Variants in MAN1A2 observed in about 807,000 individuals in gnomAD.
The protein encoded by MAN1A2 is mannosyl-oligosaccharide 1,2-alpha-mannosidase IB.
MAN1A2 carries 26 observed loss-of-function variants against 75.7 expected under a neutral mutation model. The observed-to-expected ratio is 0.34, with a 90% confidence interval of 0.25 to 0.48. The LOEUF (loss-of-function observed/expected upper bound fraction) is 0.48. Ranked by LOEUF, MAN1A2 falls within the 20% of genes least tolerant of loss-of-function variation. MAN1A2 has a pLI of 0.99. For synonymous variants in MAN1A2, 247 were observed against 264.6 expected (o/e 0.93, Z 0.65); for missense variants, 562 against 775.5 (o/e 0.72, Z 3.27).
At chr1:117,453,319 A>T (rs1341634038) in intron 6 of MAN1A2, among the ~76,000 whole-genome samples, 4 of 152,220 alleles carry the variant, frequency 2.6e-5, no homozygotes, top group African/African-American at 7.2e-5. Context: ...GATTCCTCTG[A>T]CAGATCTCAG....
intron 8 of MAN1A2, among the ~76,000 whole-genome samples, chr1:117,490,266 T>G (rs1027459068): frequency 6.6e-6 from 1 of 152,036 alleles, no homozygotes; most frequent in Non-Finnish European, 1.5e-5. Context: ...TCAGCATCAT[T>G]TTTTTGACAG....
rs559173347 is a variant in MAN1A2, at chr1:117,403,492, CAA to C, written c.558+1053_558+1054del. Among the ~76,000 whole-genome samples, 634 of 152,068 alleles carry C rather than the reference CAA, an allele frequency of 4.2e-3. 4 individuals are homozygous for C. Among genetic ancestry groups the C allele is most frequent in the African/African-American group, 0.015 (606 of 41,500 alleles). Reference sequence around the variant, plus strand: ...TTACAATGTACTGAAATACTTTTTTCAAATACGTAATAATTCAGATAGATAAC... The same window carrying C: ...TTACAATGTACTGAAATACTTTTTTCATACGTAATAATTCAGATAGATAAC... On this transcript the variant is annotated intron_variant, in intron 2 of 12. Transcript: ENST00000356554.
chr1:117,456,654 C>G (rs1649590759), intron 6 of MAN1A2, among the ~76,000 whole-genome samples: 1 of 151,970 alleles, frequency 6.6e-6, no homozygotes, highest in South Asian at 2.1e-4. Flanking sequence ...AGGATATTCT[C>G]AATTCTAAAT....
At chr1:117,438,265 T>TA (rs1010364250) in intron 5 of MAN1A2, among the ~76,000 whole-genome samples, 8 of 150,736 alleles carry the variant, frequency 5.3e-5, no homozygotes, top group South Asian at 2.1e-4. Context: ...GTTTAAAAAG[T>TA]AAAAAAAAAA....
At chr1:117,400,189 G>A (rs1461652074) in intron 1 of MAN1A2, among the ~76,000 whole-genome samples, 1 of 151,814 alleles carries the variant, frequency 6.6e-6, no homozygotes, top group Non-Finnish European at 1.5e-5. Flanking sequence ...CATCAATCCA[G>A]TCTGTCTGTA....
chr1:117,397,737 C>T (rs1185171600), intron 1 of MAN1A2, among the ~76,000 whole-genome samples: 1 of 149,046 alleles, frequency 6.7e-6, no homozygotes, highest in African/African-American at 2.5e-5. Flanking sequence ...GTGAAACCTC[C>T]GCCTCCCAGG....
intron 1 of MAN1A2, among the ~76,000 whole-genome samples, chr1:117,374,205 G>C (rs1653070015): frequency 6.6e-6 from 1 of 152,064 alleles, no homozygotes. Context: ...GCTGAGGTGG[G>C]AGGATCACTT....
chr1:117,499,027 T>C (rs1015820675), intron 10 of MAN1A2, among the ~76,000 whole-genome samples: 10 of 151,950 alleles, frequency 6.6e-5, no homozygotes, highest in Admixed American at 1.3e-4. Context: ...TGTCATTATC[T>C]ATATACTTTT....
intron 6 of MAN1A2, among the ~76,000 whole-genome samples, chr1:117,452,729 G>A (rs970931990): frequency 6.6e-6 from 1 of 152,220 alleles, no homozygotes; most frequent in African/African-American, 2.4e-5. Flanking sequence ...GGTGACAGGT[G>A]AAGCAGTAAG....
chr1:117,442,150 A>G (rs562928970), intron 5 of MAN1A2, 81 bp from the exon 6 acceptor site: 170 of 877,524 alleles, frequency 1.9e-4, no homozygotes, highest in Admixed American at 6.3e-4. Flanking sequence ...ACCTTGTGCT[A>G]TGTATACTAT....
intron 7 of MAN1A2, among the ~76,000 whole-genome samples, chr1:117,463,150 A>G (rs1649876035): frequency 6.6e-6 from 1 of 151,152 alleles, no homozygotes; most frequent in South Asian, 2.1e-4. Flanking sequence ...TTATATTAAT[A>G]AAAATATTAA....
chr1:117,503,728 C>G (rs920774480), intron 12 of MAN1A2, among the ~76,000 whole-genome samples: 3 of 151,484 alleles, frequency 2.0e-5, no homozygotes, highest in Non-Finnish European at 4.4e-5. Context: ...ACTGTTCAAG[C>G]CACTTGAGGA....
chr1:117,491,338 C>T (rs184326317), intron 8 of MAN1A2, among the ~76,000 whole-genome samples: 3 of 152,114 alleles, frequency 2.0e-5, no homozygotes, highest in African/African-American at 7.2e-5. Flanking sequence ...CCTAGGGCCT[C>T]TAAGAATTTT....
intron 5 of MAN1A2, among the ~76,000 whole-genome samples, chr1:117,426,978 T>C (rs1648396643): frequency 6.6e-6 from 1 of 152,182 alleles, no homozygotes; most frequent in African/African-American, 2.4e-5. Flanking sequence ...TAGGCTGTCA[T>C]AGCTCTTGGA....
At chr1:117,441,302 T>G (rs1305593204) in intron 5 of MAN1A2, among the ~76,000 whole-genome samples, 1 of 152,180 alleles carries the variant, frequency 6.6e-6, no homozygotes, top group Non-Finnish European at 1.5e-5. Flanking sequence ...CTCAAAATTT[T>G]GATTCATTCC....
At chr1:117,385,741 T>C (rs191588857) in intron 1 of MAN1A2, among the ~76,000 whole-genome samples, 1 of 152,298 alleles carries the variant, frequency 6.6e-6, no homozygotes, top group East Asian at 1.9e-4. Context: ...AAGGTATTTA[T>C]TGGAAGGATG....
At chr1:117,414,017 T>C (rs7546280) in intron 3 of MAN1A2, among the ~76,000 whole-genome samples, 18,213 of 151,852 alleles carry the variant, frequency 0.12, 1,152 homozygotes, top group Non-Finnish European at 0.14. Context: ...AATTCTTCCC[T>C]CTCTTCCTCC....
intron 8 of MAN1A2, among the ~76,000 whole-genome samples, chr1:117,467,063 G>A (rs1201526565): frequency 6.6e-6 from 1 of 151,954 alleles, no homozygotes; most frequent in African/African-American, 2.4e-5. Flanking sequence ...TTAGGGAGAG[G>A]GTAATTTTTC....
At position 117,384,708 on chromosome 1, in the gene MAN1A2, A is replaced by C. The variant is rs111634227; in HGVS notation, c.302+16223A>C. On this transcript the variant is annotated intron_variant, in intron 1 of 12. Coordinates refer to ENST00000356554, the MANE Select transcript of MAN1A2 (RefSeq NM_006699.5). ...TGTTACTTTGTCTGTTTCTCCCTTCATTTCTGGCCATGATTTCTTCCTATA... is the reference window on the plus strand; with the variant it reads ...TGTTACTTTGTCTGTTTCTCCCTTCCTTTCTGGCCATGATTTCTTCCTATA... 2.6e-3 allele frequency among the ~76,000 whole-genome samples: 395 copies of C among 152,116 alleles called. 3 individuals are homozygous for C. The highest frequency in any genetic ancestry group is 4.3e-3 in the Non-Finnish European group (289 of 67,984).
Sources: gnomAD v4.1 joint callset for allele counts (sites outside exome capture counted in the v4.1 genomes callset) on GRCh38, gnomAD v4.1.1 for gene constraint, MANE v1.5 for transcripts, NCBI Gene and HGNC (gene_info 2026-07-23, HGNC 2026-07-21) for gene names.